Variants in DCAKD observed in about 807,000 individuals in gnomAD.
DCAKD encodes dephospho-CoA kinase domain containing.
DCAKD carries 15 observed loss-of-function variants against 18.7 expected under a neutral mutation model. The ratio of observed to expected loss-of-function variants is 0.80; its 90% confidence interval spans 0.54 to 1.24. The LOEUF is 1.24. DCAKD is among the 50% of genes most tolerant of loss of function. The pLI, the probability that DCAKD is intolerant of heterozygous loss-of-function variation, is 0.00. For missense variants in DCAKD, 301 were observed against 322.0 expected (o/e 0.93, Z 0.50); for synonymous variants, 130 against 133.0 (o/e 0.98, Z 0.16).
At chr17:45,037,868 G>A (rs1411615248) in intron 1 of DCAKD, among the ~76,000 whole-genome samples, 4 of 139,078 alleles carry the variant, frequency 2.9e-5, no homozygotes, top group African/African-American at 8.0e-5. Context: ...CCGGGTTCAC[G>A]CCATTCTCCT....
chr17:45,033,807 G>A, intron 3 of DCAKD: 1 of 1,107,590 alleles, frequency 9.0e-7, no homozygotes, highest in African/African-American at 1.6e-5. Context: ...GAAAAAATGA[G>A]CTGAGGGCGA....
At chr17:45,044,691 A>G (rs62065822) in intron 1 of DCAKD, among the ~76,000 whole-genome samples, 104 of 5,288 alleles carry the variant, frequency 0.02, 1 homozygote, top group East Asian at 0.049. Flanking sequence ...GACTCCATCA[A>G]TAAATAAATA....
chr17:45,025,208 G>A (rs576639967), intron 4 of DCAKD, among the ~76,000 whole-genome samples: 2 of 151,976 alleles, frequency 1.3e-5, no homozygotes, highest in Non-Finnish European at 2.9e-5. Flanking sequence ...TGGGTCTTCA[G>A]TATCAAAAAT....
intron 1 of DCAKD, among the ~76,000 whole-genome samples, chr17:45,056,785 TG>T (rs925065879): frequency 1.4e-5 from 2 of 147,542 alleles, no homozygotes; most frequent in African/African-American, 5.1e-5. Context: ...CTTTTTCCTT[TG>T]AGACAGAGCC....
chr17:45,034,660 G>A (rs2053248747), intron 2 of DCAKD, 114 bp downstream of exon 2: 3 of 1,190,260 alleles, frequency 2.5e-6, no homozygotes, highest in Middle Eastern at 2.7e-4. Flanking sequence ...GTCAGACCAG[G>A]GTCAACAGGA....
chr17:45,048,594 G>A (rs1260282226), intron 1 of DCAKD, among the ~76,000 whole-genome samples: 1 of 152,148 alleles, frequency 6.6e-6, no homozygotes, highest in Admixed American at 6.5e-5. Context: ...CCGAGATCGT[G>A]CCACTGCACT....
At chr17:45,053,613 G>A (rs2053750380), upstream of DCAKD, among the ~76,000 whole-genome samples, 1 of 152,174 alleles carries the variant, frequency 6.6e-6, no homozygotes, top group Admixed American at 6.5e-5. Context: ...TAGAGATGGG[G>A]TTTCACCACG....
intron 1 of DCAKD, among the ~76,000 whole-genome samples, chr17:45,035,754 G>T (rs889761830): frequency 1.3e-5 from 2 of 152,100 alleles, no homozygotes; most frequent in Admixed American, 1.3e-4. Context: ...AGCCATCCAC[G>T]GAAGATGCAA....
intron 2 of DCAKD, 142 bp from the exon 3 acceptor site, chr17:45,034,532 G>T: frequency 2.0e-6 from 2 of 1,019,504 alleles, no homozygotes; most frequent in Non-Finnish European, 2.9e-6. Context: ...AGAGAAAGCA[G>T]TGAAGGAAAA....
At chr17:45,049,296 G>A (rs2053638301) in intron 1 of DCAKD, among the ~76,000 whole-genome samples, 1 of 152,012 alleles carries the variant, frequency 6.6e-6, no homozygotes, top group African/African-American at 2.4e-5. Flanking sequence ...TCAGCCATAT[G>A]TGGTGACAGA....
chr17:45,040,109 C>T (rs996471552), intron 1 of DCAKD, among the ~76,000 whole-genome samples: 25 of 148,394 alleles, frequency 1.7e-4, no homozygotes, highest in Admixed American at 9.5e-4. Context: ...AAAAAAAGGC[C>T]GGGTGTGGTG....
upstream of DCAKD, among the ~76,000 whole-genome samples, chr17:45,053,455 CTT>C (rs2053748437): frequency 6.8e-6 from 1 of 147,308 alleles, no homozygotes; most frequent in African/African-American, 2.5e-5. Flanking sequence ...GAGTTTTGCT[CTT>C]GTTGCCCAGG....
In DCAKD at chr17:45,030,091, C is replaced by T. The variant is rs1188667849; in HGVS notation, c.404+1G>A. ...CCAGCCAGGGCATGCTACACACTCA[C>T]CAGTATACTACCACGGTGTGCTTCA... On this transcript the variant is annotated splice_donor_variant, in intron 4 of 4. Coordinates refer to ENST00000651974, the MANE Select transcript of DCAKD (RefSeq NM_001288655.2). LOFTEE classifies it high-confidence loss of function. 6.2e-7 allele frequency: 1 copy of T among 1,612,842 alleles called. No homozygotes were observed. The highest frequency in any genetic ancestry group is 2.2e-5 in the East Asian group (1 of 44,888).
At chr17:45,024,896 T>C (rs1325361815) in intron 4 of DCAKD, among the ~76,000 whole-genome samples, 172 bp from the exon 5 acceptor site, 2 of 152,030 alleles carry the variant, frequency 1.3e-5, no homozygotes, top group Non-Finnish European at 2.9e-5. Context: ...GGAGGGAGGC[T>C]TGGAAGCTCA....
At position 45,051,521 on chromosome 17, in the gene DCAKD, G is replaced by C. The variant is rs2053696353; in HGVS notation, c.-275C>G. 1 of 151,688 alleles carries C rather than the reference G, an allele frequency of 6.6e-6. No individual in the cohort carries two copies. The highest frequency in any genetic ancestry group is 2.4e-5 in the African/African-American group (1 of 41,320). The allele number at this position is 151,688 out of a possible 1,614,324, so 9.4% of individuals were successfully genotyped here. On this transcript the variant is annotated 5_prime_UTR_variant, in exon 1 of 5. Transcript: ENST00000651974. ...CCGCCCCCTCCCCGGCGCCCGGCTG[G>C]CTCTCACCGGCCCGCGTGGCGCGCT... is the stretch of plus-strand genomic sequence containing the variant.
At position 45,024,689 on chromosome 17, in the gene DCAKD, C is replaced by T. The variant is rs527558018; in HGVS notation, c.440G>A (p.Arg147Gln). The T allele has an allele frequency of 2.4e-5, 38 of 1,595,358 alleles. No individual in the cohort carries two copies. The highest frequency in any genetic ancestry group is 1.6e-4 in the East Asian group (7 of 44,414). Residue 147 changes from arginine (R) to glutamine (Q), a missense_variant, in exon 5 of 5, where the codon CGG becomes CAG. Physicochemically the swap from Arg to Gln is conservative, Grantham distance 43. Transcript: ENST00000651974. ...RDTQLARLMR[R>Q]NSLNRKDAEA... ...TGCGTCCTTGCGGTTCAGGCTGTTC[C>T]GCCGCATCAGCCGTGCCAGCTGTGT...
intron 1 of DCAKD, among the ~76,000 whole-genome samples, chr17:45,039,339 T>C (rs575697805): frequency 6.6e-6 from 1 of 152,356 alleles, no homozygotes; most frequent in East Asian, 1.9e-4. Context: ...CAGAATCCGA[T>C]CTGGCTTCCC....
At chr17:45,054,334 G>A (rs907396091), upstream of DCAKD, among the ~76,000 whole-genome samples, 2 of 151,442 alleles carry the variant, frequency 1.3e-5, no homozygotes, top group Non-Finnish European at 2.9e-5. Flanking sequence ...TGCAACCTCC[G>A]CCTCCCGGGT....
chr17:45,030,988 C>T (rs887528700), intron 3 of DCAKD: 6 of 985,304 alleles, frequency 6.1e-6, no homozygotes, highest in African/African-American at 5.2e-5. Context: ...ACACGCTCCT[C>T]GTTCTTTTTA....
Sources: allele counts gnomAD v4.1 joint callset (sites outside exome capture counted in the v4.1 genomes callset), GRCh38; gene constraint gnomAD v4.1.1; transcripts MANE v1.5; gene names NCBI Gene and HGNC (gene_info 2026-07-23, HGNC 2026-07-21).